Variants in METTL24 observed in about 807,000 individuals in gnomAD.
The protein encoded by METTL24 is methyltransferase like 24.
METTL24 carries 29 observed loss-of-function variants against 32.7 expected under a neutral mutation model. The ratio of observed to expected loss-of-function variants is 0.89; its 90% CI spans 0.66 to 1.21. METTL24 has a LOEUF of 1.21. Ranked by LOEUF, METTL24 falls within the 50% of genes most tolerant of loss-of-function variation. METTL24 has a pLI of 0.00. For synonymous variants in METTL24, 163 were observed against 179.5 expected (o/e 0.91, Z 0.73); for missense variants, 439 against 468.1 (o/e 0.94, Z 0.57).
intron 1 of METTL24, among the ~76,000 whole-genome samples, chr6:110,346,504 C>CTTTTTTT (rs3068847): frequency 9.0e-5 from 12 of 133,976 alleles, no homozygotes; most frequent in South Asian, 2.3e-4. Context: ...CTCTCTCTCT[C>CTTTTTTT]TTTTTTTTTT....
intron 3 of METTL24, among the ~76,000 whole-genome samples, chr6:110,302,071 C>G (rs979767616): frequency 6.6e-5 from 10 of 151,944 alleles, no homozygotes; most frequent in Admixed American, 2.6e-4. Context: ...GTCAGGAGAT[C>G]GAGATTATCC....
intron 1 of METTL24, among the ~76,000 whole-genome samples, chr6:110,356,457 AAAAG>A (rs1384163776): frequency 6.8e-6 from 1 of 146,288 alleles, no homozygotes; most frequent in Non-Finnish European, 1.5e-5. Flanking sequence ...AAAAAAAAGA[AAAAG>A]AAAAGAAAAG....
chr6:110,262,975 T>TAATC (rs1447449581), intron 4 of METTL24, among the ~76,000 whole-genome samples: 1 of 152,156 alleles, frequency 6.6e-6, no homozygotes, highest in African/African-American at 2.4e-5. Flanking sequence ...TATCTCAAAA[T>TAATC]AATCAGAGCT....
intron 1 of METTL24, among the ~76,000 whole-genome samples, chr6:110,328,827 G>A (rs781329908): frequency 6.6e-6 from 1 of 152,182 alleles, no homozygotes; most frequent in East Asian, 1.9e-4. Flanking sequence ...GAGAGCTATC[G>A]ATTCTGTGTT....
At chr6:110,357,872 CG>C in intron 1 of METTL24, 82 bp downstream of exon 1, 1 of 765,408 alleles carries the variant, frequency 1.3e-6, no homozygotes, top group Non-Finnish European at 1.7e-6. Flanking sequence ...AGGCGGCCTG[CG>C]GGACCTGAGC....
chr6:110,259,668 C>G (rs935265566), intron 4 of METTL24, among the ~76,000 whole-genome samples: 2 of 152,204 alleles, frequency 1.3e-5, no homozygotes, highest in Non-Finnish European at 2.9e-5. Context: ...AGACTGCCTC[C>G]TCAAGTGGGT....
At chr6:110,256,134 G>A (rs548310246) in intron 4 of METTL24, among the ~76,000 whole-genome samples, 166 of 152,204 alleles carry the variant, frequency 1.1e-3, no homozygotes, top group South Asian at 9.8e-3. Context: ...AAAACATTAA[G>A]AAGTCTCGGG....
chr6:110,319,260 CTGTG>C (rs1211990650), intron 2 of METTL24, among the ~76,000 whole-genome samples: 2 of 136,006 alleles, frequency 1.5e-5, no homozygotes, highest in East Asian at 2.1e-4. Context: ...GTTTTTATCC[CTGTG>C]TGTGTATGTG....
At chr6:110,339,246 C>T (rs1024322280) in intron 1 of METTL24, among the ~76,000 whole-genome samples, 1 of 152,224 alleles carries the variant, frequency 6.6e-6, no homozygotes, top group African/African-American at 2.4e-5. Flanking sequence ...TGCACTCCTG[C>T]AGCTAACAGC....
chr6:110,321,655 G>A, intron 2 of METTL24, among the ~76,000 whole-genome samples: 1 of 152,178 alleles, frequency 6.6e-6, no homozygotes, highest in Non-Finnish European at 1.5e-5. Context: ...ATAAAATCAT[G>A]AGAAGCACAG....
intron 1 of METTL24, among the ~76,000 whole-genome samples, chr6:110,329,866 G>C (rs998131629): frequency 6.6e-6 from 1 of 152,236 alleles, no homozygotes; most frequent in Non-Finnish European, 1.5e-5. Context: ...GCCTCCCACG[G>C]AATGCAGCAG....
At chr6:110,296,981 T>G (rs1771431325) in intron 4 of METTL24, among the ~76,000 whole-genome samples, 1 of 147,380 alleles carries the variant, frequency 6.8e-6, no homozygotes, top group African/African-American at 2.7e-5. Flanking sequence ...CGGGTTTAGT[T>G]TTGTTGTTTT....
intron 2 of METTL24, among the ~76,000 whole-genome samples, chr6:110,319,789 G>A (rs1727044966): frequency 6.6e-6 from 1 of 152,028 alleles, no homozygotes; most frequent in Non-Finnish European, 1.5e-5. Flanking sequence ...ATATCCTCTG[G>A]AATTTCATTT....
Position 110,288,751 on chromosome 6 carries a change from G to A in METTL24, c.786+10171C>T, listed in dbSNP as rs571774124. Among the ~76,000 whole-genome samples, 15 of 152,232 alleles carry A rather than the reference G, an allele frequency of 9.9e-5. 1 individual carries two copies. The South Asian group carries it at 2.1e-3, about 21-fold the overall frequency. On this transcript the variant is annotated intron_variant, in intron 4 of 4. Transcript: ENST00000338882. The stretch of plus-strand genomic sequence containing the variant: ...AGGGCGGTGAGCAGGATGGCAGGCC[G>A]GAAATGGTGGGCTTCCATCTTAAAG...
At chr6:110,330,149 A>G (rs1188815970) in intron 1 of METTL24, among the ~76,000 whole-genome samples, 1 of 152,204 alleles carries the variant, frequency 6.6e-6, no homozygotes, top group African/African-American at 2.4e-5. Flanking sequence ...AGTAGAGGAA[A>G]TCCTCACTTT....
At chr6:110,304,327 C>A (rs1582413584) in intron 3 of METTL24, among the ~76,000 whole-genome samples, 1 of 152,172 alleles carries the variant, frequency 6.6e-6, no homozygotes. Flanking sequence ...ATTTGACAAA[C>A]TGACAGAAGT....
intron 4 of METTL24, among the ~76,000 whole-genome samples, chr6:110,288,245 C>T (rs9487346): frequency 0.051 from 7,817 of 152,152 alleles, 550 homozygotes; most frequent in African/African-American, 0.16. Context: ...GTGGTACACA[C>T]CTTGTTACTC....
At chr6:110,261,732 C>G (rs1489053075) in intron 4 of METTL24, among the ~76,000 whole-genome samples, 3 of 152,168 alleles carry the variant, frequency 2.0e-5, no homozygotes, top group Non-Finnish European at 4.4e-5. Flanking sequence ...CACTCCTCAG[C>G]AAATGTCAAA....
chr6:110,244,161 G>A lies in METTL24; in HGVS notation c.*1785C>T, dbSNP rs1042277476. Among the ~76,000 whole-genome samples the A allele has an allele frequency of 9.2e-5, 14 of 152,208 alleles. No homozygotes were observed. The highest frequency in any genetic ancestry group is 3.4e-3 in the Middle Eastern group (1 of 294). On this transcript the variant is annotated 3_prime_UTR_variant, in exon 5 of 5. Coordinates refer to ENST00000338882, the MANE Select transcript of METTL24 (RefSeq NM_001123364.3). ...CAATCATGTAAGTGATGCCAACTGG[G>A]AGTAAAGAAAAATGCACTTAACATT... is the stretch of plus-strand genomic sequence containing the variant.
Sources: gnomAD v4.1 joint callset for allele counts (sites outside exome capture counted in the v4.1 genomes callset) on GRCh38, gnomAD v4.1.1 for gene constraint, MANE v1.5 for transcripts, NCBI Gene and HGNC (gene_info 2026-07-23, HGNC 2026-07-21) for gene names.